Variants in PHLPP1 observed in about 807,000 individuals in gnomAD.
PHLPP1 encodes PH domain and leucine rich repeat protein phosphatase 1.
Under a neutral mutation model 117.2 loss-of-function variants are expected in PHLPP1, and 42 were observed. The observed-to-expected ratio is 0.36, with a 90% confidence interval of 0.28 to 0.46. The LOEUF is 0.46. PHLPP1 is among the 20% of genes least tolerant of loss of function. The pLI, the probability that PHLPP1 is intolerant of heterozygous loss-of-function variation, is 1.00. For synonymous variants in PHLPP1, 1,042 were observed against 970.7 expected (o/e 1.07, Z -1.37); for missense variants, 2,084 against 2,241.9 (o/e 0.93, Z 1.42).
intron 4 of PHLPP1, among the ~76,000 whole-genome samples, chr18:62,873,241 A>G (rs1915954529): frequency 6.6e-6 from 1 of 152,222 alleles, no homozygotes; most frequent in Non-Finnish European, 1.5e-5. Context: ...GTGTGTTTCC[A>G]GTAACTTTGT....
intron 6 of PHLPP1, among the ~76,000 whole-genome samples, chr18:62,901,628 C>CTTT (rs543110023): frequency 3.5e-5 from 5 of 142,788 alleles, no homozygotes; most frequent in Admixed American, 7.0e-5. Flanking sequence ...CTCCTTTTTT[C>CTTT]TTTTTTTTTT....
At chr18:62,827,031 G>A (rs1417657818) in intron 1 of PHLPP1, among the ~76,000 whole-genome samples, 26 of 152,112 alleles carry the variant, frequency 1.7e-4, no homozygotes, top group Non-Finnish European at 1.8e-4. Context: ...AAATAATCCA[G>A]AGGCTCTAGT....
chr18:62,723,549 A>G (rs1910983928), intron 1 of PHLPP1, among the ~76,000 whole-genome samples: 1 of 152,224 alleles, frequency 6.6e-6, no homozygotes, highest in Non-Finnish European at 1.5e-5. Flanking sequence ...CATCTGAGGA[A>G]GAGCAGGTGG....
intron 1 of PHLPP1, among the ~76,000 whole-genome samples, chr18:62,783,450 G>A (rs1187827113): frequency 2.0e-5 from 3 of 151,908 alleles, no homozygotes; most frequent in Non-Finnish European, 2.9e-5. Flanking sequence ...GGATGGTGCC[G>A]ATCTCCTGAC....
intron 4 of PHLPP1, among the ~76,000 whole-genome samples, chr18:62,877,086 T>G (rs183118502): frequency 1.3e-5 from 2 of 152,222 alleles, no homozygotes; most frequent in East Asian, 3.9e-4. Context: ...GTACCTCTCT[T>G]CTTAGAAAGC....
At chr18:62,935,816 C>T (rs1216667584) in intron 10 of PHLPP1, among the ~76,000 whole-genome samples, 1 of 151,998 alleles carries the variant, frequency 6.6e-6, no homozygotes, top group African/African-American at 2.4e-5. Context: ...CCAGCCTGGC[C>T]AGTGTGGCAA....
intron 1 of PHLPP1, among the ~76,000 whole-genome samples, chr18:62,749,301 G>A (rs1184080927): frequency 6.6e-6 from 1 of 151,232 alleles, no homozygotes; most frequent in Non-Finnish European, 1.5e-5. Context: ...CTGGGAGTGG[G>A]GGAAAAAAGA....
intron 8 of PHLPP1, among the ~76,000 whole-genome samples, chr18:62,913,624 GAAAGT>G (rs1311551251): frequency 6.6e-6 from 1 of 151,426 alleles, no homozygotes; most frequent in Non-Finnish European, 1.5e-5. Flanking sequence ...ATTTTAAAAA[GAAAGT>G]AAAAAGCTAA....
At position 62,900,433 on chromosome 18, in the gene PHLPP1, C is replaced by CTTTTTTTTTTTTTTTTTTTTTTTTTT. The variant is rs774225759; in HGVS notation, c.2445-2528_2445-2503dup. 1.7e-4 allele frequency among the ~76,000 whole-genome samples: 9 copies of CTTTTTTTTTTTTTTTTTTTTTTTTTT among 54,258 alleles called. 4 individuals carry two copies. Among genetic ancestry groups the CTTTTTTTTTTTTTTTTTTTTTTTTTT allele is most frequent in the African/African-American group, 3.3e-4 (4 of 12,284 alleles). 35.6% of individuals were successfully genotyped at this position (54,258 alleles called of 152,430 possible). ...GTATTCTTGTTTTTTCTTTTTCTTT[C>CTTTTTTTTTTTTTTTTTTTTTTTTTT]TTTTTTTTTTTTTTTTTTTTTTTTT... On this transcript the variant is annotated intron_variant, in intron 6 of 16. Coordinates refer to ENST00000262719, the MANE Select transcript of PHLPP1 (RefSeq NM_194449.4).
Position 62,716,087 on chromosome 18 carries a change from CGGCCG to C in PHLPP1, c.405_409del (p.Ala136LeufsTer125). The C allele has an allele frequency of 6.7e-7, 1 of 1,493,070 alleles. No individual in the cohort carries two copies. Among genetic ancestry groups the C allele is most frequent in the Non-Finnish European group, 8.8e-7 (1 of 1,130,226 alleles). The allele number at this position is 1,493,070 out of a possible 1,614,324, so 92.5% of individuals were successfully genotyped here. The stretch of plus-strand genomic sequence containing the variant: ...AAGAGGAATCTGTCCGCGGCCGCCG[CGGCCG>C]CCTCCTCGTCGTCGTCGTCCTCGGC... On this transcript the variant is annotated frameshift_variant, in exon 1 of 17. Coordinates refer to ENST00000262719, the MANE Select transcript of PHLPP1 (RefSeq NM_194449.4). LOFTEE classifies it high-confidence loss of function. The surrounding 1 kb of genome is among the most constrained non-coding windows in gnomAD (Gnocchi z 5.7).
intron 1 of PHLPP1, among the ~76,000 whole-genome samples, chr18:62,772,582 T>G (rs1203764461): frequency 6.6e-6 from 1 of 152,010 alleles, no homozygotes; most frequent in Non-Finnish European, 1.5e-5. Context: ...GTAATCTCAG[T>G]ACTTGGGGAG....
chr18:62,895,183 G>T, intron 5 of PHLPP1, 26 bp downstream of exon 5: 1 of 1,604,528 alleles, frequency 6.2e-7, no homozygotes, highest in Non-Finnish European at 8.5e-7. Flanking sequence ...CCCACTGGCG[G>T]GTATATCCAG....
At chr18:62,790,093 T>C (rs1913414150) in intron 1 of PHLPP1, among the ~76,000 whole-genome samples, 1 of 152,208 alleles carries the variant, frequency 6.6e-6, no homozygotes, top group Admixed American at 6.5e-5. Context: ...GTCAATGCTT[T>C]CCATGAATTT....
At chr18:62,936,049 T>C (rs1909958638) in intron 10 of PHLPP1, among the ~76,000 whole-genome samples, 1 of 152,144 alleles carries the variant, frequency 6.6e-6, no homozygotes, top group African/African-American at 2.4e-5. Flanking sequence ...TTAAGTATCA[T>C]TCTTCAACAA....
At chr18:62,869,916 C>G (rs992361786) in intron 4 of PHLPP1, among the ~76,000 whole-genome samples, 4 of 152,300 alleles carry the variant, frequency 2.6e-5, no homozygotes, top group Non-Finnish European at 5.9e-5. Flanking sequence ...AAGACGGGCT[C>G]TTGCTCTGTC....
At chr18:62,721,597 C>A (rs1910921794) in intron 1 of PHLPP1, among the ~76,000 whole-genome samples, 1 of 152,034 alleles carries the variant, frequency 6.6e-6, no homozygotes, top group African/African-American at 2.4e-5. Flanking sequence ...TTATTGTGCT[C>A]TTGTATAATT....
intron 4 of PHLPP1, among the ~76,000 whole-genome samples, chr18:62,869,356 A>G (rs1915845029): frequency 6.6e-6 from 1 of 152,216 alleles, no homozygotes; most frequent in Non-Finnish European, 1.5e-5. Context: ...GAAAATTTGT[A>G]GAAGTATAAA....
In PHLPP1 at chr18:62,895,104, CGT is replaced by C; in HGVS notation, c.2163_2164del (p.Ser722LeufsTer33). The C allele has an allele frequency of 2.5e-6, 4 of 1,613,934 alleles. No individual in the cohort carries two copies. Among genetic ancestry groups the C allele is most frequent in the Non-Finnish European group, 3.4e-6 (4 of 1,179,870 alleles). The stretch of plus-strand genomic sequence containing the variant: ...GTATTCCAACCCTGGCAGAGCTGAA[CGT>C]GTCCTGCAATGCCCTGCGATCAGTC... ...CSIPTLAELNVSCNALRSVPA... is the reference protein window; with the variant it reads ...CSIPTLAELNXSCNALRSVPA... On this transcript the variant is annotated frameshift_variant, in exon 5 of 17. Transcript: ENST00000262719. LOFTEE classifies it high-confidence loss of function.
chr18:62,858,783 TA>T (rs1266130442), intron 3 of PHLPP1, among the ~76,000 whole-genome samples: 14 of 152,134 alleles, frequency 9.2e-5, no homozygotes, highest in Admixed American at 4.6e-4. Flanking sequence ...TATCTAAAAA[TA>T]TTTTTTTTAA....
Sources: allele counts gnomAD v4.1 joint callset (sites outside exome capture counted in the v4.1 genomes callset), GRCh38; gene constraint gnomAD v4.1.1; non-coding constraint Gnocchi (gnomAD v3.1); transcripts MANE v1.5; gene names NCBI Gene and HGNC (gene_info 2026-07-23, HGNC 2026-07-21).